Variants in USP6NL observed in about 807,000 individuals in gnomAD.
USP6NL encodes USP6 N-terminal-like protein.
USP6NL carries 26 observed loss-of-function variants against 61.9 expected under a neutral mutation model. The observed-to-expected ratio is 0.42, with a 90% CI of 0.31 to 0.58. USP6NL has a LOEUF of 0.58. Ranked by LOEUF, USP6NL falls within the 20% of genes least tolerant of loss-of-function variation. The pLI is 0.16. For synonymous variants in USP6NL, 432 were observed against 390.1 expected, an observed-to-expected ratio of 1.11 and a Z score of -1.27; for missense variants, 1,114 against 1,034.3, an observed-to-expected ratio of 1.08 and a Z score of -1.06.
intron 14 of USP6NL, among the ~76,000 whole-genome samples, chr10:11,480,288 C>T (rs1465659399): frequency 2.0e-5 from 3 of 152,176 alleles, no homozygotes; most frequent in Non-Finnish European, 4.4e-5. Context: ...ATATTAGCTG[C>T]TAATTAGATG....
intron 2 of USP6NL, chr10:11,573,577 T>C (rs1588401219): frequency 2.5e-6 from 1 of 398,816 alleles, no homozygotes; most frequent in African/African-American, 2.1e-5. Context: ...GCCCTGAAAG[T>C]GCTTGATTGT....
intron 2 of USP6NL, among the ~76,000 whole-genome samples, chr10:11,547,742 G>T (rs1426586483): frequency 2.6e-5 from 4 of 151,988 alleles, no homozygotes; most frequent in East Asian, 3.9e-4. Flanking sequence ...GGGTGTCACC[G>T]TGTTATCCAG....
rs950202600 is a variant in USP6NL at position 11,465,622 on chromosome 10, T to C, written c.1079-1773A>G. Reference sequence around the variant, plus strand: ...CTGCTGCTGCTGCTGCTACTGCTGCTGTGCCTGTACGTGCTCTCCCCACAC... The same window carrying C: ...CTGCTGCTGCTGCTGCTACTGCTGCCGTGCCTGTACGTGCTCTCCCCACAC... On this transcript the variant is annotated intron_variant, in intron 14 of 14. Coordinates refer to ENST00000609104, the MANE Select transcript of USP6NL (RefSeq NM_014688.5). The surrounding 1 kb of genome is among the most constrained non-coding windows in gnomAD (Gnocchi z 4.5). Among the ~76,000 whole-genome samples, 8 of 152,250 alleles carry C rather than the reference T, an allele frequency of 5.3e-5. No homozygotes were observed. Among genetic ancestry groups the C allele is most frequent in the Non-Finnish European group, 5.9e-5 (4 of 68,040 alleles).
At chr10:11,505,231 G>A (rs1407583548) in intron 6 of USP6NL, among the ~76,000 whole-genome samples, 2 of 152,152 alleles carry the variant, frequency 1.3e-5, no homozygotes, top group African/African-American at 2.4e-5. Flanking sequence ...GGGGGTGGGA[G>A]CAAGGATGTG....
chr10:11,461,817 CTG>C lies in USP6NL; in HGVS notation c.*622_*623del, dbSNP rs927643351. 1.1e-4 allele frequency: 17 copies of C among 152,202 alleles called. No homozygotes were observed. Among genetic ancestry groups the C allele is most frequent in the African/African-American group, 3.1e-4 (13 of 41,418 alleles). The allele number at this position is 152,202 out of a possible 1,614,324, so 9.4% of individuals were successfully genotyped here. A position where few individuals can be genotyped will look rare whatever the true frequency, so the allele number is the denominator to read the frequency against. ...CAGCTGAAGGAGAATGATGAGCATT[CTG>C]TGAGACTGCAATTAATAAAGTCAGG... On this transcript the variant is annotated 3_prime_UTR_variant, in exon 15 of 15. Coordinates refer to ENST00000609104, the MANE Select transcript of USP6NL (RefSeq NM_014688.5).
chr10:11,467,765 T>C (rs544719944), intron 14 of USP6NL, among the ~76,000 whole-genome samples: 3 of 152,240 alleles, frequency 2.0e-5, no homozygotes, highest in South Asian at 2.1e-4. Context: ...GTCATTAATA[T>C]AGTTTTTAAA....
In USP6NL at chr10:11,540,019, C is replaced by T. The variant is rs1425019121; in HGVS notation, c.5-12452G>A. 6.6e-6 allele frequency among the ~76,000 whole-genome samples: 1 copy of T among 152,154 alleles called. No homozygotes were observed. Among genetic ancestry groups the T allele is most frequent in the Admixed American group, 6.5e-5 (1 of 15,276 alleles). ...TCAACTTCAAAGCCATGTTTCTAAC[C>T]ATCAAGTGCTTTTGTTGAAGTGTAA... On this transcript the variant is annotated intron_variant, in intron 2 of 14. Transcript: ENST00000609104. The surrounding 1 kb of genome is among the most constrained non-coding windows in gnomAD (Gnocchi z 5.0).
intron 4 of USP6NL, among the ~76,000 whole-genome samples, chr10:11,523,607 A>G (rs925826522): frequency 6.6e-6 from 1 of 152,192 alleles, no homozygotes; most frequent in Non-Finnish European, 1.5e-5. Context: ...AATGCTAAAA[A>G]GCCAAATACA....
At chr10:11,547,699 C>T (rs1207441661) in intron 2 of USP6NL, among the ~76,000 whole-genome samples, 1 of 152,248 alleles carries the variant, frequency 6.6e-6, no homozygotes, top group Admixed American at 6.5e-5. Context: ...CGCCATCACG[C>T]CCAGCTAATT....
At chr10:11,547,311 G>T (rs914011600) in intron 2 of USP6NL, among the ~76,000 whole-genome samples, 7 of 152,178 alleles carry the variant, frequency 4.6e-5, no homozygotes, top group African/African-American at 1.7e-4. Context: ...CAACCCTATG[G>T]TGTAGTCACT....
rs1023011837 is a variant in USP6NL at position 11,595,579 on chromosome 10, G to A, written c.4+2052C>T. Among the ~76,000 whole-genome samples, 1 of 152,086 alleles carries A rather than the reference G, an allele frequency of 6.6e-6. No homozygotes were observed. The highest frequency in any genetic ancestry group is 1.5e-5 in the Non-Finnish European group (1 of 68,016). ...GACCCACTAACACAGACCTGATTCT[G>A]ATCTGGGAACTCCAAAGCCAGGCAG... On this transcript the variant is annotated intron_variant, in intron 2 of 14. Transcript: ENST00000609104. This position sits in a 1 kb window ranked among gnomAD's most constrained non-coding sequence, Gnocchi z 5.3.
chr10:11,557,698 T>G (rs889269617), intron 2 of USP6NL, among the ~76,000 whole-genome samples: 2 of 152,044 alleles, frequency 1.3e-5, no homozygotes, highest in Non-Finnish European at 2.9e-5. Context: ...CACGAGTGCA[T>G]GAGAGCACAG....
intron 14 of USP6NL, among the ~76,000 whole-genome samples, chr10:11,471,101 C>T (rs960008428): frequency 3.3e-5 from 5 of 152,122 alleles, no homozygotes; most frequent in Admixed American, 6.5e-5. Flanking sequence ...AGAAGAATGG[C>T]GTGAACCCAG....
intron 2 of USP6NL, among the ~76,000 whole-genome samples, chr10:11,549,407 G>C (rs923329976): frequency 2.0e-5 from 3 of 152,084 alleles, no homozygotes. Context: ...TGTTCTATCA[G>C]ACTCCACACT....
At chr10:11,554,966 ATTTTTTT>A (rs764342021) in intron 2 of USP6NL, among the ~76,000 whole-genome samples, 2 of 111,850 alleles carry the variant, frequency 1.8e-5, no homozygotes, top group African/African-American at 6.6e-5. Context: ...TGCCCGGCTA[ATTTTTTT>A]TTTTTTTTTT....
chr10:11,462,474 G>A lies in USP6NL; in HGVS notation c.2454C>T (p.Asp818=). Residue 818 remains aspartate, a synonymous_variant, in exon 15 of 15, where the codon GAC becomes GAT. Coordinates refer to ENST00000609104, the MANE Select transcript of USP6NL (RefSeq NM_014688.5). ...ACACTGACTCTTGGATGGAAAGCCC[G>A]TCCCGATTCCTGTAGTGGTAGGCTG... is the stretch of plus-strand genomic sequence containing the variant. ...PPPAYHYRNR[D]GLSIQESVLL is the part of the protein sequence containing the mutation. The A allele has an allele frequency of 6.2e-7, 1 of 1,613,816 alleles. No homozygotes were observed. The highest frequency in any genetic ancestry group is 8.5e-7 in the Non-Finnish European group (1 of 1,179,880).
Position 11,463,256 on chromosome 10 carries a change from C to T in USP6NL, c.1672G>A (p.Glu558Lys). ...ASQYDNVPGP[E>K]LDSGASVEEA... is the part of the protein sequence containing the mutation. Reference sequence around the variant, plus strand: ...TCCACGGAAGCGCCGCTGTCCAGCTCCGGGCCTGGCACGTTGTCGTACTGC... The same window carrying T: ...TCCACGGAAGCGCCGCTGTCCAGCTTCGGGCCTGGCACGTTGTCGTACTGC... Residue 558 changes from glutamate to lysine, a missense_variant, in exon 15 of 15, where the codon GAG becomes AAG. Glu to Lys is a moderately conservative substitution (Grantham distance 56). Transcript: ENST00000609104. This position sits in a 1 kb window ranked among gnomAD's most constrained non-coding sequence, Gnocchi z 6.3. The T allele has an allele frequency of 6.2e-7, 1 of 1,613,718 alleles. No individual in the cohort carries two copies.
intron 13 of USP6NL, among the ~76,000 whole-genome samples, chr10:11,483,511 A>AG (rs1477931175): frequency 1.3e-5 from 1 of 79,462 alleles, no homozygotes; most frequent in African/African-American, 5.5e-5. Context: ...AGAGAGGGAG[A>AG]GAGGGAGAGG....
rs1262331363 is a variant in USP6NL, at chr10:11,532,671, C to CA, written c.5-5105dup. Among the ~76,000 whole-genome samples the CA allele has an allele frequency of 7.2e-5, 11 of 152,100 alleles. No individual in the cohort carries two copies. Among genetic ancestry groups the CA allele is most frequent in the Admixed American group, 6.5e-4 (10 of 15,278 alleles). On this transcript the variant is annotated intron_variant, in intron 2 of 14. Transcript: ENST00000609104. The surrounding 1 kb of genome is among the most constrained non-coding windows in gnomAD (Gnocchi z 4.1). The stretch of plus-strand genomic sequence containing the variant: ...AAAAATAAAACTTGTCACAGAGCAA[C>CA]AAAAAAATTTTTATTTAAAACATTA...
Sources: gnomAD v4.1 joint callset for allele counts (sites outside exome capture counted in the v4.1 genomes callset) on GRCh38, gnomAD v4.1.1 for gene constraint, Gnocchi (gnomAD v3.1) non-coding constraint, MANE v1.5 for transcripts, NCBI Gene and HGNC (gene_info 2026-07-23, HGNC 2026-07-21) for gene names.